SPART: variants seen among roughly 807,000 people sequenced by gnomAD.
SPART encodes the protein spastic paraplegia 20 (Troyer syndrome).
In SPART, 35 loss-of-function variants were observed where a neutral mutation model predicts 58.7. That is an observed-to-expected ratio of 0.60 (90% CI 0.46 to 0.79). The LOEUF is 0.79. Among genes scored for constraint, SPART ranks in the 30% least tolerant of loss-of-function variants. SPART has a pLI of 0.00. For synonymous variants in SPART, 284 were observed against 280.7 expected, an observed-to-expected ratio of 1.01 and a Z score of -0.12; for missense variants, 730 against 786.1, an observed-to-expected ratio of 0.93 and a Z score of 0.85.
chr13:36,333,481 C>T (rs1029800746), intron 2 of SPART, among the ~76,000 whole-genome samples: 5 of 148,262 alleles, frequency 3.4e-5, no homozygotes, highest in Non-Finnish European at 7.4e-5. Flanking sequence ...ATGTTAACTC[C>T]TTTTAAGGAC....
chr13:36,365,692 C>A, intron 1 of SPART: 1 of 432,436 alleles, frequency 2.3e-6, no homozygotes, highest in Non-Finnish European at 4.7e-6. Context: ...TTGTAGATGC[C>A]TTTAGAACAA....
At position 36,320,777 on chromosome 13, in the gene SPART, C is replaced by T. The variant is rs1005186701; in HGVS notation, c.1288+5798G>A. Among the ~76,000 whole-genome samples the T allele has an allele frequency of 3.3e-5, 5 of 152,294 alleles. No homozygotes were observed. In the South Asian group the frequency reaches 1.0e-3, roughly 32 times the overall value. ...TTTCCTACAGGGTCTGAGAAGGCCA[C>T]TGCAGTCATTTCTTCCCTTCTGTCA... On this transcript the variant is annotated intron_variant, in intron 5 of 8. Coordinates refer to ENST00000438666, the MANE Select transcript of SPART (RefSeq NM_015087.5).
chr13:36,311,090 G>A (rs959862276), intron 8 of SPART, among the ~76,000 whole-genome samples: 1 of 152,112 alleles, frequency 6.6e-6, no homozygotes, highest in African/African-American at 2.4e-5. Flanking sequence ...GGAATAAACT[G>A]GACACAGGTC....
rs1488440855 is a variant in SPART, at chr13:36,302,725, CATTT to C, written c.*1636_*1639del. On this transcript the variant is annotated 3_prime_UTR_variant, in exon 9 of 9. Transcript: ENST00000438666. Reference sequence around the variant, plus strand: ...GGGTGTATCTACTGCTTCAAGCATTCATTTGTGTTACAAACGTCCCAATTACACT... The same window carrying C: ...GGGTGTATCTACTGCTTCAAGCATTCGTGTTACAAACGTCCCAATTACACT... The C allele has an allele frequency of 5.9e-5, 9 of 152,144 alleles. No individual in the cohort carries two copies. The highest frequency in any genetic ancestry group is 1.9e-4 in the East Asian group (1 of 5,198). The allele number at this position is 152,144 out of a possible 1,614,324, so 9.4% of individuals were successfully genotyped here.
upstream of SPART, among the ~76,000 whole-genome samples, chr13:36,348,893 C>T (rs1029290992): frequency 6.6e-6 from 1 of 152,168 alleles, no homozygotes; most frequent in Non-Finnish European, 1.5e-5. Context: ...AGAATAGCCA[C>T]ATGAGCACAC....
intron 8 of SPART, among the ~76,000 whole-genome samples, chr13:36,308,170 C>A (rs1012167511): frequency 2.0e-5 from 3 of 152,008 alleles, no homozygotes; most frequent in African/African-American, 7.2e-5. Flanking sequence ...CAAGCTTTTC[C>A]ATTTCTTCAG....
intron 1 of SPART, among the ~76,000 whole-genome samples, chr13:36,358,220 T>G (rs1046472968): frequency 5.9e-5 from 9 of 152,224 alleles, no homozygotes; most frequent in Non-Finnish European, 1.3e-4. Context: ...TCCCAGAAAC[T>G]CTTGTTTTTT....
Position 36,344,510 on chromosome 13 carries a change from A to G in SPART, c.-3+1715T>C, listed in dbSNP as rs78649478. The stretch of plus-strand genomic sequence containing the variant: ...GAGCCTGGGTATCTAGAGGTTATAT[A>G]TAAGTCTAATGGTCAATTTCAGTCT... On this transcript the variant is annotated intron_variant, in intron 1 of 8. Coordinates refer to ENST00000438666, the MANE Select transcript of SPART (RefSeq NM_015087.5). Among the ~76,000 whole-genome samples, 7 of 152,332 alleles carry G rather than the reference A, an allele frequency of 4.6e-5. No individual in the cohort carries two copies. The East Asian group carries it at 7.7e-4, about 17-fold the overall frequency.
At chr13:36,327,815 G>GA (rs892047192) in intron 4 of SPART, among the ~76,000 whole-genome samples, 1 of 152,254 alleles carries the variant, frequency 6.6e-6, no homozygotes, top group African/African-American at 2.4e-5. Flanking sequence ...TGGTGAAACT[G>GA]AAACCCCATC....
intron 6 of SPART, 166 bp from the exon 7 acceptor site, chr13:36,312,643 GC>G: frequency 1.3e-6 from 1 of 768,326 alleles, no homozygotes; most frequent in Non-Finnish European, 2.1e-6. Flanking sequence ...TCACTATGTT[GC>G]CCAGGCTGGC....
At chr13:36,328,247 T>C (rs1465348283) in intron 4 of SPART, among the ~76,000 whole-genome samples, 3 of 152,174 alleles carry the variant, frequency 2.0e-5, no homozygotes, top group Non-Finnish European at 4.4e-5. Flanking sequence ...ATGTAGAATA[T>C]TCACGTGATA....
At position 36,301,977 on chromosome 13, in the gene SPART, TAAACTC is replaced by T. The variant is rs771270195; in HGVS notation, c.*2382_*2387del. The T allele has an allele frequency of 6.6e-6, 1 of 152,084 alleles. No homozygotes were observed. Among genetic ancestry groups the T allele is most frequent in the Admixed American group, 6.5e-5 (1 of 15,268 alleles). 9.4% of individuals were successfully genotyped at this position (152,084 alleles called of 1,614,324 possible). ...TAAGCGCAAGAATGAATTTTAAACA[TAAACTC>T]AAAAAAGCAAGTTGAGTAAGACTTC... On this transcript the variant is annotated 3_prime_UTR_variant, in exon 9 of 9. Transcript: ENST00000438666.
At chr13:36,325,172 A>G (rs952021880) in intron 5 of SPART, among the ~76,000 whole-genome samples, 1 of 152,170 alleles carries the variant, frequency 6.6e-6, no homozygotes, top group Non-Finnish European at 1.5e-5. Flanking sequence ...CTTTGAATTT[A>G]GTGTGTTGGG....
intron 8 of SPART, among the ~76,000 whole-genome samples, chr13:36,307,040 A>G (rs1335011864): frequency 6.6e-6 from 1 of 152,200 alleles, no homozygotes; most frequent in Non-Finnish European, 1.5e-5. Context: ...CCTAATAGGC[A>G]TATGTTCTTT....
intron 1 of SPART, among the ~76,000 whole-genome samples, chr13:36,358,398 C>T (rs1212953818): frequency 6.6e-6 from 1 of 152,172 alleles, no homozygotes; most frequent in Non-Finnish European, 1.5e-5. Flanking sequence ...TTGTTGCTGT[C>T]ATGACTAATA....
rs185936741 is a variant in SPART, at chr13:36,302,702, G to A, written c.*1663C>T. ...TGCGATTTATAATAATTACATCAGG[G>A]TGTATCTACTGCTTCAAGCATTCAT... On this transcript the variant is annotated 3_prime_UTR_variant, in exon 9 of 9. Coordinates refer to ENST00000438666, the MANE Select transcript of SPART (RefSeq NM_015087.5). 1.4e-4 allele frequency: 22 copies of A among 152,210 alleles called. No individual in the cohort carries two copies. The highest frequency in any genetic ancestry group is 3.3e-4 in the Admixed American group (5 of 15,280). The allele number at this position is 152,210 out of a possible 1,614,324, so 9.4% of individuals were successfully genotyped here. A position where few individuals can be genotyped will look rare whatever the true frequency, so the allele number is the denominator to read the frequency against.
chr13:36,335,204 C>T lies in SPART; in HGVS notation c.627G>A (p.Pro209=), dbSNP rs370385005. Residue 209 remains proline, a synonymous_variant, in exon 2 of 9, where the codon CCG becomes CCA. Transcript: ENST00000438666. ...EEFYRNHSQP[P]PLETLGLDAD... is the part of the protein sequence containing the mutation. The stretch of plus-strand genomic sequence containing the variant: ...CATCCAGCCCTAAGGTCTCAAGAGG[C>T]GGTGGCTGAGAATGATTCCTATAAA... 354 of 1,614,088 alleles carry T rather than the reference C, an allele frequency of 2.2e-4. No homozygotes were observed. The highest frequency in any genetic ancestry group is 2.8e-4 in the Non-Finnish European group (328 of 1,180,014).
At chr13:36,330,733 C>T (rs1883383007) in intron 3 of SPART, among the ~76,000 whole-genome samples, 1 of 152,148 alleles carries the variant, frequency 6.6e-6, no homozygotes. Flanking sequence ...TCTACAGGTA[C>T]GCATGTGGGC....
chr13:36,302,983 G>C lies in SPART; in HGVS notation c.*1382C>G, dbSNP rs1023726907. The C allele has an allele frequency of 1.3e-5, 2 of 152,106 alleles. No individual in the cohort carries two copies. Among genetic ancestry groups the C allele is most frequent in the African/African-American group, 4.8e-5 (2 of 41,420 alleles). 9.4% of individuals were successfully genotyped at this position (152,106 alleles called of 1,614,324 possible). ...TCCCACAAATGAGAATATATGAAGT[G>C]CCATTCCATTTCTTAAACAAAGCAT... is the stretch of plus-strand genomic sequence containing the variant. On this transcript the variant is annotated 3_prime_UTR_variant, in exon 9 of 9. Coordinates refer to ENST00000438666, the MANE Select transcript of SPART (RefSeq NM_015087.5).
Sources: allele counts gnomAD v4.1 joint callset (sites outside exome capture counted in the v4.1 genomes callset), GRCh38; gene constraint gnomAD v4.1.1; transcripts MANE v1.5; gene names NCBI Gene and HGNC (gene_info 2026-07-23, HGNC 2026-07-21).